The following TCF12 variants were observed in gnomAD, a reference collection of about 807,000 sequenced individuals.
TCF12 encodes the protein transcription factor 12.
TCF12 carries 45 observed loss-of-function variants against 86.0 expected under a neutral mutation model. The ratio of observed to expected loss-of-function variants is 0.52; its 90% CI spans 0.41 to 0.67. TCF12 has a LOEUF of 0.67. Among genes scored for constraint, TCF12 ranks in the 30% least tolerant of loss-of-function variants. The pLI, the probability that TCF12 is intolerant of heterozygous loss-of-function variation, is 0.00. For missense variants in TCF12, 881 were observed against 859.9 expected (o/e 1.02, Z -0.31); for synonymous variants, 330 against 299.6 (o/e 1.10, Z -1.05).
intron 3 of TCF12, among the ~76,000 whole-genome samples, chr15:56,955,337 T>G (rs1263191789): frequency 2.0e-5 from 3 of 150,748 alleles, no homozygotes; most frequent in Middle Eastern, 3.2e-3. Context: ...CACTCATAGG[T>G]GGGAATTGAA....
Position 57,137,342 on chromosome 15 carries a change from A to G in TCF12, c.326-29060A>G, listed in dbSNP as rs563468172. Among the ~76,000 whole-genome samples, 13 of 152,250 alleles carry G rather than the reference A, an allele frequency of 8.5e-5. No individual in the cohort carries two copies. In the South Asian group the frequency reaches 1.9e-3, roughly 22 times the overall value. On this transcript the variant is annotated intron_variant, in intron 5 of 20. Transcript: ENST00000333725. ...TTATAAATAAAACACATTTTTCCCC[A>G]TGTATTTTAAATACTGTAATTTACA...
At chr15:57,148,302 T>G (rs1235838462) in intron 5 of TCF12, among the ~76,000 whole-genome samples, 1 of 151,680 alleles carries the variant, frequency 6.6e-6, no homozygotes, top group East Asian at 1.9e-4. Flanking sequence ...TAAATGCAAA[T>G]GCACCTGTAG....
intron 12 of TCF12, among the ~76,000 whole-genome samples, chr15:57,235,494 A>G (rs987972004): frequency 6.6e-6 from 1 of 152,328 alleles, no homozygotes; most frequent in East Asian, 1.9e-4. Flanking sequence ...ATACATCCAG[A>G]AAGTGCGGTG....
rs140364510 is a variant in TCF12 at position 57,059,078 on chromosome 15, A to G, written c.149-4672A>G. Among the ~76,000 whole-genome samples the G allele has an allele frequency of 1.2e-4, 19 of 152,346 alleles. No homozygotes were observed. The East Asian group carries it at 3.1e-3, about 25-fold the overall frequency. On this transcript the variant is annotated intron_variant, in intron 3 of 20. Transcript: ENST00000333725. The stretch of plus-strand genomic sequence containing the variant: ...ATCAAATCATTTATTGGATCCCCCT[A>G]CAGCAGATGGCAATCCTGCAAAATA...
At chr15:57,033,202 T>C (rs1368577081) in intron 3 of TCF12, among the ~76,000 whole-genome samples, 2 of 152,156 alleles carry the variant, frequency 1.3e-5, no homozygotes, top group South Asian at 2.1e-4. Flanking sequence ...CTAAAACTTA[T>C]GTCATTGAAT....
At chr15:57,093,889 A>G (rs1464191863) in intron 5 of TCF12, among the ~76,000 whole-genome samples, 2 of 152,306 alleles carry the variant, frequency 1.3e-5, no homozygotes, top group East Asian at 3.9e-4. Flanking sequence ...ACTACTTTGT[A>G]TCAGATGCAG....
chr15:57,139,352 C>T (rs1441899367), intron 5 of TCF12, among the ~76,000 whole-genome samples: 2 of 152,114 alleles, frequency 1.3e-5, no homozygotes, highest in African/African-American at 4.8e-5. Context: ...ACCTAATGTT[C>T]TATTGTATAG....
At position 57,253,446 on chromosome 15, in the gene TCF12, C is replaced by T. The variant is rs139393933; in HGVS notation, c.1445C>T (p.Ala482Val). The T allele has an allele frequency of 2.7e-5, 43 of 1,613,940 alleles. No homozygotes were observed. The African/African-American group carries it at 5.3e-4, about 20-fold the overall frequency. The change falls in exon 16 of 21, where the codon GCA (alanine) becomes GTA (valine). Residue 482 changes from alanine (A) to valine (V), a missense_variant. Transcript: ENST00000333725. ...AACTATGGAGGATCAAGCCTTGTTG[C>T]AAGCAGTCGATCAGCTTCAATGGTA... Reference protein sequence around the residue: ...NSNYGGSSLVASSRSASMVGT... With the variant: ...NSNYGGSSLVVSSRSASMVGT...
intron 18 of TCF12, among the ~76,000 whole-genome samples, chr15:57,270,304 A>G (rs143741050): frequency 6.6e-6 from 1 of 152,066 alleles, no homozygotes; most frequent in African/African-American, 2.4e-5. Context: ...TATTTCATTA[A>G]TTTGATCTTC....
chr15:57,189,700 G>C (rs1419850751), intron 6 of TCF12, among the ~76,000 whole-genome samples: 2 of 152,112 alleles, frequency 1.3e-5, no homozygotes, highest in Non-Finnish European at 2.9e-5. Context: ...GTTAAACATA[G>C]AATTACACAT....
intron 5 of TCF12, among the ~76,000 whole-genome samples, chr15:57,164,133 CA>C (rs1423506550): frequency 6.6e-6 from 1 of 152,108 alleles, no homozygotes; most frequent in African/African-American, 2.4e-5. Context: ...ACCACATTTG[CA>C]AATTCATTTA....
chr15:57,263,566 T>C (rs1227949235), intron 18 of TCF12, among the ~76,000 whole-genome samples: 1 of 152,218 alleles, frequency 6.6e-6, no homozygotes, highest in Non-Finnish European at 1.5e-5. Context: ...AAGTAGAAGG[T>C]AAAATAGCTA....
Position 56,936,873 on chromosome 15 carries a change from A to G in TCF12, c.148+15775A>G, listed in dbSNP as rs899446397. 3.3e-5 allele frequency among the ~76,000 whole-genome samples: 5 copies of G among 152,142 alleles called. 1 individual carries two copies. The highest frequency in any genetic ancestry group is 7.2e-5 in the African/African-American group (3 of 41,428). On this transcript the variant is annotated intron_variant, in intron 3 of 20. Coordinates refer to ENST00000333725, the MANE Select transcript of TCF12 (RefSeq NM_207037.2). ...CTAGTACCATGCTGTTATGGTGACT[A>G]TGGCCTTACAGTCTAGTTTGAAGTC...
chr15:56,966,904 C>G (rs1282165459), intron 3 of TCF12, among the ~76,000 whole-genome samples: 2 of 152,074 alleles, frequency 1.3e-5, no homozygotes, highest in Non-Finnish European at 2.9e-5. Context: ...GTGTGGATCA[C>G]TTGAGGTCGG....
intron 5 of TCF12, among the ~76,000 whole-genome samples, chr15:57,118,780 C>T (rs892040234): frequency 1.1e-4 from 16 of 152,116 alleles, no homozygotes; most frequent in Non-Finnish European, 1.9e-4. Flanking sequence ...ATCTAAGTGT[C>T]TTTAGAGTTA....
At chr15:57,164,910 A>G (rs1275790354) in intron 5 of TCF12, among the ~76,000 whole-genome samples, 1 of 152,110 alleles carries the variant, frequency 6.6e-6, no homozygotes. Context: ...TGAACTCCTG[A>G]CCTCAGGTTA....
intron 7 of TCF12, among the ~76,000 whole-genome samples, chr15:57,196,615 C>T (rs1385979240): frequency 6.6e-6 from 1 of 152,122 alleles, no homozygotes; most frequent in African/African-American, 2.4e-5. Context: ...CTTTGTTTTA[C>T]AGTAAATAAG....
At chr15:57,131,977 T>C (rs1391421511) in intron 5 of TCF12, among the ~76,000 whole-genome samples, 8 of 152,084 alleles carry the variant, frequency 5.3e-5, no homozygotes, top group African/African-American at 1.9e-4. Flanking sequence ...TTGTCAGCTT[T>C]CTCTTTGTGG....
At chr15:57,201,233 C>G (rs2057527582) in intron 8 of TCF12, among the ~76,000 whole-genome samples, 2 of 151,804 alleles carry the variant, frequency 1.3e-5, no homozygotes, top group Admixed American at 1.3e-4. Context: ...TAATTGTCTT[C>G]TAGGACCTCA....
Sources: allele counts gnomAD v4.1 joint callset (sites outside exome capture counted in the v4.1 genomes callset), GRCh38; gene constraint gnomAD v4.1.1; transcripts MANE v1.5; gene names NCBI Gene and HGNC (gene_info 2026-07-23, HGNC 2026-07-21).